The following HEMK2 variants were observed in gnomAD, a reference collection of about 807,000 sequenced individuals.
The protein encoded by HEMK2 is HemK methyltransferase 2, ETF1 glutamine and histone H4 lysine, also known as methyltransferase HEMK2.
the HEMK2 span, among the ~76,000 whole-genome samples, chr21:28,790,822 G>A: frequency 2.3e-5 from 3 of 130,696 alleles, no homozygotes; most frequent in South Asian, 5.2e-4. Flanking sequence ...TCACACTCTG[G>A]GGACTGTTGT....
chr21:28,689,257 C>G, the HEMK2 span, among the ~76,000 whole-genome samples: 2 of 152,122 alleles, frequency 1.3e-5, no homozygotes, highest in Non-Finnish European at 2.9e-5. Flanking sequence ...CTTAATAATT[C>G]CATGCAAATT....
At chr21:28,625,802 G>A in the HEMK2 span, among the ~76,000 whole-genome samples, 4 of 131,940 alleles carry the variant, frequency 3.0e-5, no homozygotes, top group African/African-American at 1.1e-4. Flanking sequence ...AAGGTAGATA[G>A]GGAATGATAC....
At chr21:28,711,939 C>G in the HEMK2 span, among the ~76,000 whole-genome samples, 1 of 152,172 alleles carries the variant, frequency 6.6e-6, no homozygotes, top group Non-Finnish European at 1.5e-5. Context: ...TGAGGCAACT[C>G]TCTGAGGTCC....
At chr21:28,848,086 A>C in the HEMK2 span, among the ~76,000 whole-genome samples, 1 of 152,160 alleles carries the variant, frequency 6.6e-6, no homozygotes, top group African/African-American at 2.4e-5. Flanking sequence ...TTTGCTTAGG[A>C]TTGCTTTGGC....
the HEMK2 span, among the ~76,000 whole-genome samples, chr21:28,827,979 A>C: frequency 6.6e-6 from 1 of 152,312 alleles, no homozygotes; most frequent in Admixed American, 6.5e-5. Context: ...GTATGTGCAT[A>C]TACTTATATT....
the HEMK2 span, among the ~76,000 whole-genome samples, chr21:28,666,257 C>T: frequency 3.3e-5 from 5 of 152,094 alleles, no homozygotes; most frequent in African/African-American, 7.2e-5. Context: ...ATCTTTTCTT[C>T]GGTATTTAGG....
chr21:28,879,931 A>G, the HEMK2 span: 1 of 1,603,608 alleles, frequency 6.2e-7, no homozygotes, highest in East Asian at 2.2e-5. Context: ...TTTTTCGGTC[A>G]ATCTTGGTAG....
the HEMK2 span, among the ~76,000 whole-genome samples, chr21:28,615,359 C>G: frequency 6.6e-6 from 1 of 151,720 alleles, no homozygotes; most frequent in Non-Finnish European, 1.5e-5. Flanking sequence ...TCCTTCTCTT[C>G]CTTCTTCTTT....
At chr21:28,880,506 C>T in the HEMK2 span, among the ~76,000 whole-genome samples, 14 of 152,024 alleles carry the variant, frequency 9.2e-5, no homozygotes, top group Non-Finnish European at 2.1e-4. Flanking sequence ...CCGAGGCGGG[C>T]GGATCATCCG....
At chr21:28,759,808 G>A in the HEMK2 span, among the ~76,000 whole-genome samples, 1,378 of 152,080 alleles carry the variant, frequency 9.1e-3, 25 homozygotes, top group African/African-American at 0.032. Flanking sequence ...CATGCCTTTC[G>A]CCTTCCACCA....
At chr21:28,829,721 G>C in the HEMK2 span, among the ~76,000 whole-genome samples, 1 of 152,148 alleles carries the variant, frequency 6.6e-6, no homozygotes, top group Admixed American at 6.5e-5. Flanking sequence ...AGTAGGGAGA[G>C]TTAATTATGT....
At chr21:28,827,376 C>T in the HEMK2 span, among the ~76,000 whole-genome samples, 2 of 152,164 alleles carry the variant, frequency 1.3e-5, no homozygotes, top group African/African-American at 2.4e-5. Context: ...CTTTGAGTCA[C>T]TTTTGGGAAA....
chr21:28,870,125 ATT>A, the HEMK2 span, among the ~76,000 whole-genome samples: 1 of 152,182 alleles, frequency 6.6e-6, no homozygotes, highest in South Asian at 2.1e-4. Flanking sequence ...TTTCAAATAT[ATT>A]TTAGAACAGT....
the HEMK2 span, among the ~76,000 whole-genome samples, chr21:28,734,947 G>A: frequency 3.9e-5 from 6 of 152,146 alleles, no homozygotes; most frequent in African/African-American, 9.7e-5. Context: ...TTCTATACTC[G>A]GCTGAACTCC....
chr21:28,610,329 A>G, the HEMK2 span, among the ~76,000 whole-genome samples: 1 of 152,210 alleles, frequency 6.6e-6, no homozygotes, highest in African/African-American at 2.4e-5. Context: ...AAGGACAGAT[A>G]GTCTTTTTCA....
the HEMK2 span, among the ~76,000 whole-genome samples, chr21:28,842,316 T>G: frequency 6.6e-6 from 1 of 152,190 alleles, no homozygotes; most frequent in Non-Finnish European, 1.5e-5. Context: ...CTATACACTA[T>G]TAATAAAAGA....
the HEMK2 span, among the ~76,000 whole-genome samples, chr21:28,856,557 G>C: frequency 6.6e-6 from 1 of 152,116 alleles, no homozygotes; most frequent in Non-Finnish European, 1.5e-5. Context: ...TGAAAGTATC[G>C]AGTAAATTCT....
the HEMK2 span, among the ~76,000 whole-genome samples, chr21:28,683,748 A>C: frequency 6.6e-6 from 1 of 152,244 alleles, no homozygotes; most frequent in Non-Finnish European, 1.5e-5. Context: ...ATTGTAAAAA[A>C]TAATGCCAAC....
the HEMK2 span, among the ~76,000 whole-genome samples, chr21:28,834,558 G>A: frequency 6.6e-6 from 1 of 152,184 alleles, no homozygotes; most frequent in Non-Finnish European, 1.5e-5. Flanking sequence ...GGATCCAACA[G>A]GAGAGGAGCA....
Sources: allele counts gnomAD v4.1 joint callset (sites outside exome capture counted in the v4.1 genomes callset), GRCh38; gene constraint gnomAD v4.1.1; transcripts MANE v1.5; gene names NCBI Gene and HGNC (gene_info 2026-07-23, HGNC 2026-07-21).